Variants in TUSC3 observed in about 807,000 individuals in gnomAD.
TUSC3 encodes the protein tumor suppressor candidate 3, also known as dolichyl-diphosphooligosaccharide--protein glycosyltransferase subunit TUSC3.
TUSC3 carries 45 observed loss-of-function variants against 44.8 expected under a neutral mutation model. The observed-to-expected ratio is 1.00, with a 90% CI of 0.79 to 1.29. The LOEUF is 1.29. Ranked by LOEUF, TUSC3 falls within the 50% of genes most tolerant of loss-of-function variation. The probability of loss-of-function intolerance (pLI) is 0.00; values close to 1 mark genes in which losing one functional copy is unlikely to be tolerated. For synonymous variants in TUSC3, 212 were observed against 152.9 expected (o/e 1.39, Z -2.85); for missense variants, 519 against 437.9 (o/e 1.19, Z -1.65).
chr8:15,738,316 TTGTC>T, intron 7 of TUSC3, among the ~76,000 whole-genome samples: 1 of 152,178 alleles, frequency 6.6e-6, no homozygotes, highest in Non-Finnish European at 1.5e-5. Flanking sequence ...TTTTAAAAAA[TTGTC>T]AAGTAAGAAT....
At chr8:15,550,943 T>A (rs1802041787) in intron 1 of TUSC3, among the ~76,000 whole-genome samples, 1 of 151,782 alleles carries the variant, frequency 6.6e-6, no homozygotes, top group Admixed American at 6.6e-5. Context: ...AGTGCTGGGA[T>A]TACAGGGGTG....
chr8:15,431,157 C>G (rs1338188826), intron 1 of TUSC3, among the ~76,000 whole-genome samples: 1 of 151,642 alleles, frequency 6.6e-6, no homozygotes, highest in African/African-American at 2.4e-5. Flanking sequence ...ATCACTTTGG[C>G]TATTCTTGGT....
At chr8:15,836,702 C>T in the TUSC3 span, among the ~76,000 whole-genome samples, 1 of 152,042 alleles carries the variant, frequency 6.6e-6, no homozygotes, top group Non-Finnish European at 1.5e-5. Context: ...TTTAAATAAT[C>T]AAATTTTAGT....
At chr8:15,528,790 C>A (rs529478529) in intron 2 of TUSC3, among the ~76,000 whole-genome samples, 1 of 152,228 alleles carries the variant, frequency 6.6e-6, no homozygotes, top group East Asian at 1.9e-4. Context: ...ATATCCCTAC[C>A]TTCCCTCTGT....
the TUSC3 span, among the ~76,000 whole-genome samples, chr8:15,774,507 G>C: frequency 6.6e-6 from 1 of 152,148 alleles, no homozygotes; most frequent in African/African-American, 2.4e-5. Flanking sequence ...AAGAGGCAAG[G>C]AAGGATTCCC....
At chr8:15,823,074 G>T in the TUSC3 span, among the ~76,000 whole-genome samples, 1 of 152,102 alleles carries the variant, frequency 6.6e-6, no homozygotes, top group South Asian at 2.1e-4. Context: ...TGATTTTCCT[G>T]TTTGCCTTAA....
In TUSC3 at chr8:15,730,683, C is replaced by T. The variant is rs200103578; in HGVS notation, c.816C>T (p.Ser272=). Residue 272 remains serine (S), a synonymous_variant, in exon 7 of 11, where the codon AGC becomes AGT. Coordinates refer to ENST00000503731, the MANE Select transcript of TUSC3 (RefSeq NM_006765.4). ...HNGQVSYIHG[S]SQAQFVAESH... Reference sequence around the variant, plus strand: ...TTTTATAGAGCTACATTCATGGGAGCAGCCAGGCTCAGTTTGTGGCAGAAT... The same window carrying T: ...TTTTATAGAGCTACATTCATGGGAGTAGCCAGGCTCAGTTTGTGGCAGAAT... The T allele has an allele frequency of 6.2e-7, 1 of 1,613,026 alleles. No homozygotes were observed. Among genetic ancestry groups the T allele is most frequent in the African/African-American group, 1.3e-5 (1 of 75,006 alleles).
intron 1 of TUSC3, among the ~76,000 whole-genome samples, chr8:15,568,827 T>C (rs1442519664): frequency 6.6e-6 from 1 of 152,166 alleles, no homozygotes; most frequent in Non-Finnish European, 1.5e-5. Context: ...CTTTGTCATG[T>C]ATTTTCACAC....
At chr8:15,807,674 T>G in the TUSC3 span, among the ~76,000 whole-genome samples, 37 of 152,310 alleles carry the variant, frequency 2.4e-4, no homozygotes, top group African/African-American at 8.2e-4. Context: ...GTTGGACTAC[T>G]AAACACCATA....
intron 2 of TUSC3, among the ~76,000 whole-genome samples, chr8:15,626,997 G>A (rs922718258): frequency 7.9e-5 from 12 of 152,180 alleles, no homozygotes; most frequent in Non-Finnish European, 1.3e-4. Flanking sequence ...CTGGGCTGCC[G>A]GTCCCGTTGA....
chr8:15,575,474 T>C (rs1803061586), intron 1 of TUSC3, among the ~76,000 whole-genome samples: 1 of 152,116 alleles, frequency 6.6e-6, no homozygotes, highest in African/African-American at 2.4e-5. Flanking sequence ...ATTTCAAAAA[T>C]TCTTCTGAGG....
chr8:15,445,020 G>A (rs1048510052), intron 1 of TUSC3, among the ~76,000 whole-genome samples: 1 of 152,124 alleles, frequency 6.6e-6, no homozygotes, highest in Non-Finnish European at 1.5e-5. Context: ...AGGTACCAGA[G>A]AACTAGGCAA....
intron 6 of TUSC3, among the ~76,000 whole-genome samples, chr8:15,680,625 G>A (rs939981916): frequency 5.9e-5 from 9 of 152,042 alleles, no homozygotes; most frequent in African/African-American, 2.2e-4. Flanking sequence ...CCAGTACTAT[G>A]CTGAATAGTA....
chr8:15,728,812 A>C (rs1386508215), intron 6 of TUSC3, among the ~76,000 whole-genome samples: 1 of 152,182 alleles, frequency 6.6e-6, no homozygotes, highest in Non-Finnish European at 1.5e-5. Flanking sequence ...CAGAGTCTAG[A>C]AAGAAGGAAA....
intron 1 of TUSC3, among the ~76,000 whole-genome samples, chr8:15,451,364 G>C (rs190939323): frequency 6.6e-5 from 10 of 152,268 alleles, no homozygotes; most frequent in Admixed American, 1.3e-4. Flanking sequence ...AGCAATTAGA[G>C]AGTTGGAACT....
chr8:15,820,103 C>A, the TUSC3 span, among the ~76,000 whole-genome samples: 8 of 152,194 alleles, frequency 5.3e-5, no homozygotes, highest in Admixed American at 5.2e-4. Context: ...TCTGCATCTA[C>A]TGAAATGATC....
At chr8:15,602,712 A>ATACG (rs1482183033) in intron 1 of TUSC3, among the ~76,000 whole-genome samples, 32 of 150,090 alleles carry the variant, frequency 2.1e-4, no homozygotes, top group African/African-American at 7.8e-4. Flanking sequence ...ATGTGTATGT[A>ATACG]TACGTGTGTA....
chr8:15,604,575 A>T (rs60299174), intron 1 of TUSC3, among the ~76,000 whole-genome samples: 6,689 of 151,898 alleles, frequency 0.044, 241 homozygotes, highest in African/African-American at 0.1. Context: ...TATCAGTTGC[A>T]AAGGGGATTA....
chr8:15,561,944 A>G (rs534053657), intron 1 of TUSC3, among the ~76,000 whole-genome samples: 1 of 152,280 alleles, frequency 6.6e-6, no homozygotes, highest in African/African-American at 2.4e-5. Flanking sequence ...CTCAGATGGA[A>G]ATGCAGAAAT....
Sources: allele counts gnomAD v4.1 joint callset (sites outside exome capture counted in the v4.1 genomes callset), GRCh38; gene constraint gnomAD v4.1.1; transcripts MANE v1.5; gene names NCBI Gene and HGNC (gene_info 2026-07-23, HGNC 2026-07-21).